Variants in LRP1B observed in about 807,000 individuals in gnomAD.
LRP1B encodes low-density lipoprotein receptor-related protein 1B.
In LRP1B, 217 loss-of-function variants were observed where a neutral mutation model predicts 556.6. The observed-to-expected ratio is 0.39, with a 90% CI of 0.35 to 0.44. The LOEUF is 0.44. LRP1B is among the 20% of genes least tolerant of loss of function. LRP1B has a pLI of 1.00. For synonymous variants in LRP1B, 2,047 were observed against 1,865.8 expected (o/e 1.10, Z -2.50); for missense variants, 5,053 against 5,620.8 (o/e 0.90, Z 3.23).
rs1441905889 is a variant in LRP1B, at chr2:142,115,819, GTAATATATATC to G, written c.82+14818_82+14828del. Reference sequence around the variant, plus strand: ...TATATGTAATATATATCATATATATGTAATATATATCATATATATGTAATATATATATATAC... The same window carrying G: ...TATATGTAATATATATCATATATATGATATATATGTAATATATATATATAC... On this transcript the variant is annotated intron_variant, in intron 1 of 90. Coordinates refer to ENST00000389484, the MANE Select transcript of LRP1B (RefSeq NM_018557.3). Among the ~76,000 whole-genome samples the G allele has an allele frequency of 3.0e-4, 2 of 6,700 alleles. 1 individual carries two copies. Among genetic ancestry groups the G allele is most frequent in the East Asian group, 0.2 (2 of 10 alleles). The allele number at this position is 6,700 out of a possible 152,430, so 4.4% of individuals were successfully genotyped here. A position where few individuals can be genotyped will look rare whatever the true frequency, so the allele number is the denominator to read the frequency against.
chr2:141,993,911 TTA>T (rs1702413348), intron 1 of LRP1B, among the ~76,000 whole-genome samples: 1 of 40,050 alleles, frequency 2.5e-5, no homozygotes, highest in Non-Finnish European at 5.2e-5. Context: ...CTTTTAAGGT[TTA>T]TGTTTTTTTT....
intron 53 of LRP1B, among the ~76,000 whole-genome samples, chr2:140,506,331 A>C (rs1343358387): frequency 2.0e-4 from 31 of 151,932 alleles, no homozygotes; most frequent in Admixed American, 2.0e-3. Context: ...TGCGACCTCT[A>C]CTTCCTGGGT....
At chr2:140,325,040 A>C (rs920692743) in intron 80 of LRP1B, among the ~76,000 whole-genome samples, 9 of 152,148 alleles carry the variant, frequency 5.9e-5, no homozygotes, top group Non-Finnish European at 4.4e-5. Flanking sequence ...CAAATATAAA[A>C]ATTTAAAGTG....
chr2:141,267,397 T>TATA (rs1684929358), intron 3 of LRP1B, among the ~76,000 whole-genome samples: 2 of 152,280 alleles, frequency 1.3e-5, no homozygotes, highest in Admixed American at 6.5e-5. Context: ...AAATATACTC[T>TATA]ATAATTTCTA....
chr2:141,150,374 T>C (rs1701890990), intron 7 of LRP1B, among the ~76,000 whole-genome samples: 1 of 152,240 alleles, frequency 6.6e-6, no homozygotes, highest in Non-Finnish European at 1.5e-5. Flanking sequence ...AGGTTTCTGC[T>C]GTATTTCCTC....
chr2:141,113,604 A>C (rs1256897825), intron 7 of LRP1B, among the ~76,000 whole-genome samples: 2 of 152,082 alleles, frequency 1.3e-5, no homozygotes, highest in African/African-American at 4.8e-5. Flanking sequence ...AAAGGGTTTT[A>C]TTATTATGCA....
chr2:140,420,307 C>T (rs1013298770), intron 66 of LRP1B, among the ~76,000 whole-genome samples: 25 of 152,184 alleles, frequency 1.6e-4, no homozygotes, highest in African/African-American at 5.5e-4. Flanking sequence ...TGTAAAATAT[C>T]ATTAGTAATT....
intron 66 of LRP1B, among the ~76,000 whole-genome samples, chr2:140,438,792 A>C (rs912701048): frequency 6.6e-6 from 1 of 152,200 alleles, no homozygotes; most frequent in Non-Finnish European, 1.5e-5. Context: ...AATCTTTTTG[A>C]TAACTCAGAA....
At chr2:141,299,391 G>A (rs1686304092) in intron 3 of LRP1B, among the ~76,000 whole-genome samples, 2 of 152,090 alleles carry the variant, frequency 1.3e-5, no homozygotes, top group Admixed American at 6.6e-5. Context: ...ACATATCTAG[G>A]TACTATATGA....
intron 7 of LRP1B, among the ~76,000 whole-genome samples, chr2:141,142,147 C>T (rs1472969851): frequency 6.6e-6 from 1 of 152,122 alleles, no homozygotes; most frequent in African/African-American, 2.4e-5. Context: ...CCTTTAACTG[C>T]CATGTCCTGA....
At chr2:141,079,952 T>C (rs1404893) in intron 7 of LRP1B, among the ~76,000 whole-genome samples, 129,919 of 152,222 alleles carry the variant, frequency 0.85, 55,743 homozygotes, top group Non-Finnish European at 0.89. Context: ...AAAGGACTCG[T>C]TCAATATCAG....
At chr2:140,742,627 G>T (rs1439684241) in intron 35 of LRP1B, among the ~76,000 whole-genome samples, 1 of 151,678 alleles carries the variant, frequency 6.6e-6, no homozygotes, top group Non-Finnish European at 1.5e-5. Flanking sequence ...TATTAGAGAT[G>T]GGGTCTCACT....
chr2:141,074,032 G>T (rs1699715707), intron 7 of LRP1B, among the ~76,000 whole-genome samples: 1 of 152,014 alleles, frequency 6.6e-6, no homozygotes, highest in African/African-American at 2.4e-5. Flanking sequence ...AGAGAAATAG[G>T]AATCAAATCT....
intron 86 of LRP1B, among the ~76,000 whole-genome samples, chr2:140,252,938 A>AGT (rs1199945809): frequency 9.9e-5 from 15 of 152,228 alleles, no homozygotes; most frequent in African/African-American, 3.6e-4. Flanking sequence ...GTCTACAGCA[A>AGT]GTTACCATAT....
chr2:140,257,943 A>G (rs1291278674), intron 86 of LRP1B, among the ~76,000 whole-genome samples: 1 of 152,192 alleles, frequency 6.6e-6, no homozygotes, highest in Non-Finnish European at 1.5e-5. Flanking sequence ...GCCTGACAGC[A>G]GGACCAGTGA....
At chr2:140,688,835 CTG>C in intron 41 of LRP1B, among the ~76,000 whole-genome samples, 1 of 152,220 alleles carries the variant, frequency 6.6e-6, no homozygotes, top group Admixed American at 6.5e-5. Flanking sequence ...AGTCTGCCAA[CTG>C]CCAGGCATAT....
chr2:141,639,794 A>C (rs894590626), intron 2 of LRP1B, among the ~76,000 whole-genome samples: 3 of 152,072 alleles, frequency 2.0e-5, no homozygotes, highest in African/African-American at 7.2e-5. Flanking sequence ...ATAAACAGTA[A>C]AATTCTTAAG....
intron 20 of LRP1B, among the ~76,000 whole-genome samples, chr2:140,933,066 TA>T (rs1214414712): frequency 6.6e-6 from 1 of 152,036 alleles, no homozygotes; most frequent in African/African-American, 2.4e-5. Flanking sequence ...AAGTTATTCA[TA>T]AAAAGGTTTT....
rs150531699 is a variant in LRP1B at position 141,987,812 on chromosome 2, G to A, written c.82+142836C>T. On this transcript the variant is annotated intron_variant, in intron 1 of 90. Transcript: ENST00000389484. ...TTATTTCACTGTTAATGTATGATTA[G>A]CACTACCAGTATTTTCAGGCAAAAT... is the stretch of plus-strand genomic sequence containing the variant. 1.5e-4 allele frequency among the ~76,000 whole-genome samples: 22 copies of A among 151,682 alleles called. No individual in the cohort carries two copies. In the East Asian group the frequency reaches 4.1e-3, roughly 28 times the overall value.
Sources: allele counts gnomAD v4.1 joint callset (sites outside exome capture counted in the v4.1 genomes callset), GRCh38; gene constraint gnomAD v4.1.1; transcripts MANE v1.5; gene names NCBI Gene and HGNC (gene_info 2026-07-23, HGNC 2026-07-21).